Variants in SPRY4 observed in about 807,000 individuals in gnomAD.
The protein encoded by SPRY4 is sprouty RTK signaling antagonist 4.
A neutral mutation model predicts 17.0 loss-of-function variants in SPRY4; 7 were observed. The ratio of observed to expected loss-of-function variants is 0.41; its 90% confidence interval spans 0.23 to 0.77. The LOEUF is 0.77. Ranked by LOEUF, SPRY4 falls within the 30% of genes least tolerant of loss-of-function variation. The pLI, the probability that SPRY4 is intolerant of heterozygous loss-of-function variation, is 0.32. For missense variants in SPRY4, 435 were observed against 419.9 expected (o/e 1.04, Z -0.31); for synonymous variants, 183 against 174.1 (o/e 1.05, Z -0.40).
In SPRY4 at chr5:142,313,957, T is replaced by C. The variant is rs1759025741; in HGVS notation, c.*252A>G. The C allele has an allele frequency of 2.0e-6, 1 of 510,086 alleles. No individual in the cohort carries two copies. Among genetic ancestry groups the C allele is most frequent in the Non-Finnish European group, 3.5e-6 (1 of 286,958 alleles). The allele number at this position is 510,086 out of a possible 1,614,324, so 31.6% of individuals were successfully genotyped here. ...AAAAATTTCCCCCCAAACCACACCC[T>C]GCCCCTGCATTGTCTGTTTGACACA... On this transcript the variant is annotated 3_prime_UTR_variant, in exon 2 of 2. Coordinates refer to ENST00000434127, the MANE Select transcript of SPRY4 (RefSeq NM_001127496.3).
rs966904376 is a variant in SPRY4, at chr5:142,319,668, C to T, written c.-47-4513G>A. Reference sequence around the variant, plus strand: ...GCAGGATATCAAAATCCCCAGAACACGCGCAACACTGTATTTGCTGCTTGG... The same window carrying T: ...GCAGGATATCAAAATCCCCAGAACATGCGCAACACTGTATTTGCTGCTTGG... On this transcript the variant is annotated intron_variant, in intron 1 of 1. Transcript: ENST00000434127. The T allele has an allele frequency of 2.5e-5, 39 of 1,555,178 alleles. 2 individuals carry two copies. The highest frequency in any genetic ancestry group is 1.6e-4 in the African/African-American group (12 of 73,304).
chr5:142,319,807 A>G, intron 1 of SPRY4: 1 of 1,606,866 alleles, frequency 6.2e-7, no homozygotes, highest in East Asian at 2.2e-5. Context: ...GAAAAGAATC[A>G]AGAGGCATGT....
chr5:142,322,804 C>A (rs1759390628), intron 1 of SPRY4, among the ~76,000 whole-genome samples: 1 of 152,240 alleles, frequency 6.6e-6, no homozygotes, highest in African/African-American at 2.4e-5. Context: ...CCCCACCCTA[C>A]ACCCGTACTG....
At chr5:142,319,601 G>T (rs1341132866) in intron 1 of SPRY4, 27 of 1,123,952 alleles carry the variant, frequency 2.4e-5, no homozygotes, top group Non-Finnish European at 3.1e-5. Flanking sequence ...CTGTGAGGAA[G>T]GGAGGGAGCC....
rs140796913 is a variant in SPRY4 at position 142,314,671 on chromosome 5, C to T, written c.438G>A (p.Pro146=). ...GCTTGTCCAGCTCGGGTGGGACCGC[C>T]GGGCCCTTGAGGTCCAGCGGCTGGC... The part of the protein sequence containing the change: ...VHCQPLDLKG[P]AVPPELDKHF... The change falls in exon 2 of 2, where the codon CCG becomes CCA. Residue 146 remains proline (P), a synonymous_variant. Coordinates refer to ENST00000434127, the MANE Select transcript of SPRY4 (RefSeq NM_001127496.3). The surrounding 1 kb of genome is among the most constrained non-coding windows in gnomAD (Gnocchi z 4.8). 6.9e-5 allele frequency: 111 copies of T among 1,614,230 alleles called. 1 individual carries two copies. In the African/African-American group the frequency reaches 9.7e-4, roughly 14 times the overall value.
chr5:142,315,955 T>C (rs1759136561), intron 1 of SPRY4, among the ~76,000 whole-genome samples: 1 of 152,126 alleles, frequency 6.6e-6, no homozygotes, highest in African/African-American at 2.4e-5. Flanking sequence ...GCCCTTTATT[T>C]CAGATATTCA....
At chr5:142,321,024 C>G (rs1038402001) in intron 1 of SPRY4, among the ~76,000 whole-genome samples, 2 of 152,238 alleles carry the variant, frequency 1.3e-5, no homozygotes, top group African/African-American at 2.4e-5. Flanking sequence ...TTGGAAAGAA[C>G]AATCATGATC....
intron 1 of SPRY4, among the ~76,000 whole-genome samples, chr5:142,323,150 G>A (rs1759407104): frequency 6.6e-6 from 1 of 152,132 alleles, no homozygotes. Context: ...TATTGGGTAG[G>A]GCCTCAGGCC....
chr5:142,311,778 A>G lies in SPRY4; in HGVS notation c.*2431T>C, dbSNP rs551564697. On this transcript the variant is annotated 3_prime_UTR_variant, in exon 2 of 2. Transcript: ENST00000434127. ...CAAGCAGGTTGAAAGCAAACCAAGA[A>G]GAACAAGCTAGAACAGGGGCAGGGG... 1 of 152,830 alleles carries G rather than the reference A, an allele frequency of 6.5e-6. No homozygotes were observed. Among genetic ancestry groups the G allele is most frequent in the African/African-American group, 2.4e-5 (1 of 41,552 alleles). 9.5% of individuals were successfully genotyped at this position (152,830 alleles called of 1,614,324 possible).
In SPRY4 at chr5:142,314,724, C is replaced by A; in HGVS notation, c.385G>T (p.Val129Leu). Residue 129 changes from valine to leucine, a missense_variant, in exon 2 of 2, where the codon GTG becomes TTG. Physicochemically the swap from Val to Leu is conservative, Grantham distance 32 (BLOSUM62 1). Coordinates refer to ENST00000434127, the MANE Select transcript of SPRY4 (RefSeq NM_001127496.3). The surrounding 1 kb of genome is among the most constrained non-coding windows in gnomAD (Gnocchi z 4.8). ...TGGACCACCTTGGGCTGGATGCGCACAGCCCTTGGTGAGGCCTGGTCAGCC... is the reference window on the plus strand; with the variant it reads ...TGGACCACCTTGGGCTGGATGCGCAAAGCCCTTGGTGAGGCCTGGTCAGCC... ...PVADQASPRAVRIQPKVVHCQ... is the reference protein window; with the variant it reads ...PVADQASPRALRIQPKVVHCQ... 1.2e-6 allele frequency: 2 copies of A among 1,612,606 alleles called. No homozygotes were observed. The highest frequency in any genetic ancestry group is 8.5e-7 in the Non-Finnish European group (1 of 1,178,814).
intron 1 of SPRY4, chr5:142,319,658 C>A (rs1759276766): frequency 2.0e-6 from 3 of 1,527,370 alleles, no homozygotes; most frequent in Admixed American, 1.9e-5. Context: ...ATATCAAAAT[C>A]CCCAGAACAC....
intron 1 of SPRY4, chr5:142,317,281 A>G (rs1759185081): frequency 1.0e-6 from 1 of 985,476 alleles, no homozygotes; most frequent in South Asian, 4.7e-5. Context: ...TGCTTCTAGA[A>G]TAAATGAGTT....
chr5:142,310,902 G>C lies in SPRY4; in HGVS notation c.*3307C>G, dbSNP rs1370854543. The C allele has an allele frequency of 2.0e-5, 3 of 150,202 alleles. No homozygotes were observed. The highest frequency in any genetic ancestry group is 4.9e-5 in the African/African-American group (2 of 40,716). 9.3% of individuals were successfully genotyped at this position (150,202 alleles called of 1,614,324 possible). On this transcript the variant is annotated 3_prime_UTR_variant, in exon 2 of 2. Coordinates refer to ENST00000434127, the MANE Select transcript of SPRY4 (RefSeq NM_001127496.3). Reference sequence around the variant, plus strand: ...GCCCTAGTGAATCGTACAGTGTAGAGCTGTGCTGCCCACGCCCGCCAGACA... The same window carrying C: ...GCCCTAGTGAATCGTACAGTGTAGACCTGTGCTGCCCACGCCCGCCAGACA...
chr5:142,318,174 A>AAAAAGAAAGAAAAAAAG, intron 1 of SPRY4: 1 of 985,328 alleles, frequency 1.0e-6, no homozygotes, highest in Non-Finnish European at 1.2e-6. Context: ...TCTCAAAAAA[A>AAAAAGAAAGAAAAAAAG]AAAAGAAAGA....
chr5:142,323,040 T>TA (rs397882276), intron 1 of SPRY4, among the ~76,000 whole-genome samples: 38,821 of 119,356 alleles, frequency 0.33, 6,263 homozygotes, highest in East Asian at 0.66. Flanking sequence ...ACACCCGCCC[T>TA]AAAAAAAAAA....
At chr5:142,320,885 T>A (rs1187025593) in intron 1 of SPRY4, among the ~76,000 whole-genome samples, 1 of 152,118 alleles carries the variant, frequency 6.6e-6, no homozygotes, top group South Asian at 2.1e-4. Context: ...AAAAGACTAC[T>A]GACAAGGGAA....
At chr5:142,315,489 C>A in intron 1 of SPRY4, 1 of 238,450 alleles carries the variant, frequency 4.2e-6, no homozygotes, top group Non-Finnish European at 8.2e-6. Context: ...TTAATTTGTC[C>A]AAAGTCACAC....
chr5:142,317,237 T>C (rs1759183475), intron 1 of SPRY4: 1 of 985,488 alleles, frequency 1.0e-6, no homozygotes, highest in South Asian at 4.7e-5. Flanking sequence ...TACCTCAGCC[T>C]GCCCACTTAT....
intron 1 of SPRY4, chr5:142,324,339 T>C (rs1759459852): frequency 6.6e-6 from 1 of 151,888 alleles, no homozygotes; most frequent in Non-Finnish European, 1.5e-5. Context: ...AAAGAAAAAA[T>C]CTACGTCGAG....
Sources: allele counts gnomAD v4.1 joint callset (sites outside exome capture counted in the v4.1 genomes callset), GRCh38; gene constraint gnomAD v4.1.1; non-coding constraint Gnocchi (gnomAD v3.1); transcripts MANE v1.5; gene names NCBI Gene and HGNC (gene_info 2026-07-23, HGNC 2026-07-21).